ARHGAP23: variants seen among roughly 807,000 people sequenced by gnomAD.
ARHGAP23 encodes rho GTPase-activating protein 23.
A neutral mutation model predicts 136.3 loss-of-function variants in ARHGAP23; 34 were observed. The observed-to-expected ratio is 0.25, with a 90% confidence interval of 0.19 to 0.33. The LOEUF is 0.33. Among genes scored for constraint, ARHGAP23 ranks in the 10% least tolerant of loss-of-function variants. The probability of loss-of-function intolerance (pLI) is 1.00; values close to 1 mark genes in which losing one functional copy is unlikely to be tolerated. For missense variants in ARHGAP23, 1,808 were observed against 2,139.0 expected (o/e 0.85, Z 3.05); for synonymous variants, 832 against 920.5 (o/e 0.90, Z 1.74).
Position 38,471,939 on chromosome 17 carries a change from C to T in ARHGAP23, c.2051C>T (p.Ala684Val), listed in dbSNP as rs750856610. 1.3e-5 allele frequency: 20 copies of T among 1,549,564 alleles called. No homozygotes were observed. Among genetic ancestry groups the T allele is most frequent in the Middle Eastern group, 2.3e-4 (1 of 4,380 alleles). The change falls in exon 11 of 24, where the codon GCG becomes GTG. Residue 684 changes from alanine to valine, a missense_variant. By Grantham distance (64) the Ala-to-Val change is moderately conservative. This residue lies in a region of ARHGAP23 where 139 missense variants were observed against 264.3 expected (regional missense o/e 0.53). Coordinates refer to ENST00000622683, the MANE Select transcript of ARHGAP23 (RefSeq NM_001199417.2). ...CACTCAACCTCTGACCTCTCAGATG[C>T]GACCTTCAGCGATATCAGGAGAGAA... Reference protein sequence around the residue: ...KRHSTSDLSDATFSDIRREGW... With the variant: ...KRHSTSDLSDVTFSDIRREGW...
At position 38,428,474 on chromosome 17, in the gene ARHGAP23, C is replaced by G; in HGVS notation, c.-12C>G. On this transcript the variant is annotated 5_prime_UTR_variant, in exon 1 of 24. Coordinates refer to ENST00000622683, the MANE Select transcript of ARHGAP23 (RefSeq NM_001199417.2). ...AGCCGTGCCCCGGCCGCAGAGCCGCCGCTGCCACCCGATGAATGGAGTCGC... is the reference window on the plus strand; with the variant it reads ...AGCCGTGCCCCGGCCGCAGAGCCGCGGCTGCCACCCGATGAATGGAGTCGC... 7.0e-7 allele frequency: 1 copy of G among 1,436,296 alleles called. No homozygotes were observed. Among genetic ancestry groups the G allele is most frequent in the South Asian group, 1.4e-5 (1 of 72,910 alleles). The allele number at this position is 1,436,296 out of a possible 1,614,324, so 89.0% of individuals were successfully genotyped here.
At chr17:38,505,471 C>T (rs559915525) in intron 23 of ARHGAP23, among the ~76,000 whole-genome samples, 4 of 152,280 alleles carry the variant, frequency 2.6e-5, no homozygotes, top group South Asian at 4.2e-4. Context: ...CTGATTTCCC[C>T]GGCCCTGCCC....
At chr17:38,489,870 A>G in intron 17 of ARHGAP23, 2 of 530,994 alleles carry the variant, frequency 3.8e-6, no homozygotes, top group Non-Finnish European at 6.9e-6. Context: ...TCCCAAATGA[A>G]CACAGCTGGG....
At chr17:38,441,039 G>A (rs1050720846) in intron 1 of ARHGAP23, among the ~76,000 whole-genome samples, 3 of 152,226 alleles carry the variant, frequency 2.0e-5, no homozygotes, top group Admixed American at 6.5e-5. Flanking sequence ...TGGCCACAGC[G>A]CAGGTGGGCA....
chr17:38,461,005 C>T, intron 3 of ARHGAP23, 73 bp downstream of exon 3: 2 of 1,510,962 alleles, frequency 1.3e-6, no homozygotes, highest in Non-Finnish European at 1.8e-6. Context: ...CTGTCCTCCC[C>T]TAAGACTGCC....
rs2039627123 is a variant in ARHGAP23 at position 38,467,121 on chromosome 17, C to G, written c.1438C>G (p.Pro480Ala). Residue 480 changes from proline (P) to alanine (A), a missense_variant, in exon 7 of 24, where the codon CCT becomes GCT. Pro to Ala is a conservative substitution (Grantham distance 27). Coordinates refer to ENST00000622683, the MANE Select transcript of ARHGAP23 (RefSeq NM_001199417.2). ...GGAACCCAGCACCCGGGCCCTGGAG[C>G]CTCCTGCGGAGGATCGCGGCGATGA... is the stretch of plus-strand genomic sequence containing the variant. ...RPEPSTRALE[P>A]PAEDRGDEVV... 1.3e-6 allele frequency: 2 copies of G among 1,549,966 alleles called. No homozygotes were observed. The highest frequency in any genetic ancestry group is 1.2e-5 in the South Asian group (1 of 84,024).
chr17:38,470,952 T>C (rs960544984), intron 10 of ARHGAP23, among the ~76,000 whole-genome samples: 1 of 151,006 alleles, frequency 6.6e-6, no homozygotes, highest in African/African-American at 2.5e-5. Flanking sequence ...GCATGATTTT[T>C]CTTTCTTTTT....
chr17:38,453,458 T>TCC (rs2039234968), intron 1 of ARHGAP23, among the ~76,000 whole-genome samples: 1 of 124,040 alleles, frequency 8.1e-6, no homozygotes, highest in Non-Finnish European at 1.6e-5. Context: ...TGTGTGTGTG[T>TCC]GTGCGCGCGC....
At chr17:38,471,456 T>G (rs533723272) in intron 10 of ARHGAP23, among the ~76,000 whole-genome samples, 22 of 152,340 alleles carry the variant, frequency 1.4e-4, no homozygotes, top group Middle Eastern at 3.4e-3. Context: ...TCTGTTTAAC[T>G]CCTCGTGGAC....
chr17:38,446,452 G>A (rs985447430), intron 1 of ARHGAP23, among the ~76,000 whole-genome samples: 14 of 151,952 alleles, frequency 9.2e-5, no homozygotes, highest in African/African-American at 3.1e-4. Flanking sequence ...CCATTCATCC[G>A]TAGATGGACA....
rs935027184 is a variant in ARHGAP23, at chr17:38,458,137, G to A, written c.99G>A (p.Arg33=). Residue 33 remains arginine (R), a synonymous_variant, in exon 2 of 24, where the codon AGG becomes AGA. Coordinates refer to ENST00000622683, the MANE Select transcript of ARHGAP23 (RefSeq NM_001199417.2). The part of the protein sequence containing the change: ...PLGPRDGCSP[R]RPFPWQGPRT... ...GCCCAAGAGATGGGTGCTCTCCTAG[G>A]CGCCCCTTCCCCTGGCAGGGGCCGA... 2 of 1,536,130 alleles carry A rather than the reference G, an allele frequency of 1.3e-6. No individual in the cohort carries two copies. The highest frequency in any genetic ancestry group is 3.9e-5 in the Admixed American group (2 of 50,994).
chr17:38,485,221 G>A (rs924902321), intron 16 of ARHGAP23, among the ~76,000 whole-genome samples: 12 of 152,138 alleles, frequency 7.9e-5, no homozygotes, highest in Non-Finnish European at 1.8e-4. Flanking sequence ...CCCTGGCCTC[G>A]ATCCACTAGA....
chr17:38,507,613 A>G (rs2040663468), intron 23 of ARHGAP23, among the ~76,000 whole-genome samples: 3 of 152,124 alleles, frequency 2.0e-5, no homozygotes, highest in Non-Finnish European at 4.4e-5. Context: ...GGGTAGTTTG[A>G]TCAGGTGATC....
chr17:38,427,462 GA>G (rs11408302), upstream of ARHGAP23, among the ~76,000 whole-genome samples: 46 of 144,696 alleles, frequency 3.2e-4, no homozygotes, highest in Admixed American at 3.4e-4. Context: ...AGACCCTGCC[GA>G]AAAAAAAAAA....
At chr17:38,445,020 G>A (rs903277663) in intron 1 of ARHGAP23, among the ~76,000 whole-genome samples, 8 of 151,914 alleles carry the variant, frequency 5.3e-5, no homozygotes, top group Non-Finnish European at 8.8e-5. Flanking sequence ...GTTTCACCAT[G>A]TTGGCAAGGC....
At chr17:38,467,381 CTG>C (rs767724521) in intron 7 of ARHGAP23, 50 bp downstream of exon 7, 13 of 1,439,806 alleles carry the variant, frequency 9.0e-6, no homozygotes, top group Admixed American at 8.7e-5. Flanking sequence ...TGTCGGCTGT[CTG>C]TGTCCTGCTG....
chr17:38,482,700 G>A lies in ARHGAP23; in HGVS notation c.2907+22G>A, dbSNP rs2040074266. On this transcript the variant is annotated intron_variant, in intron 16 of 23. Transcript: ENST00000622683. ...TGAGGTGGGTGAAGCTGGGGGGTCT[G>A]TGGAAGAGGGGCTGAGATGGTGTGT... The A allele has an allele frequency of 2.6e-6, 4 of 1,539,794 alleles. No homozygotes were observed. In the South Asian group the frequency reaches 4.8e-5, roughly 18 times the overall value.
chr17:38,438,344 T>C, intron 1 of ARHGAP23, among the ~76,000 whole-genome samples: 1 of 121,282 alleles, frequency 8.2e-6, no homozygotes, highest in South Asian at 2.6e-4. Flanking sequence ...AAAAAAAAGA[T>C]GTTTGTTGGG....
upstream of ARHGAP23, among the ~76,000 whole-genome samples, chr17:38,424,854 C>T (rs1013407961): frequency 6.6e-6 from 1 of 152,200 alleles, no homozygotes; most frequent in Admixed American, 6.5e-5. Context: ...TGAGGCTTAA[C>T]TGGGATCTCA....
Sources: allele counts gnomAD v4.1 joint callset (sites outside exome capture counted in the v4.1 genomes callset), GRCh38; gene constraint gnomAD v4.1.1; regional missense constraint gnomAD v4.1.1; transcripts MANE v1.5; gene names NCBI Gene and HGNC (gene_info 2026-07-23, HGNC 2026-07-21).